ME3: variants seen among roughly 807,000 people sequenced by gnomAD.
ME3 encodes malic enzyme 3, also known as NADP-dependent malic enzyme, mitochondrial.
A neutral mutation model predicts 68.9 loss-of-function variants in ME3; 48 were observed. The ratio of observed to expected loss-of-function variants is 0.70; its 90% CI spans 0.55 to 0.89. The LOEUF (loss-of-function observed/expected upper bound fraction) is 0.89, where lower values mean the gene tolerates loss of function less well. Among genes scored for constraint, ME3 ranks in the 40% least tolerant of loss-of-function variants. ME3 has a pLI of 0.00. For missense variants in ME3, 675 were observed against 797.4 expected (o/e 0.85, Z 1.85); for synonymous variants, 320 against 318.8 (o/e 1.00, Z -0.04).
intron 2 of ME3, among the ~76,000 whole-genome samples, chr11:86,605,134 A>C (rs932216509): frequency 2.0e-5 from 3 of 152,218 alleles, no homozygotes; most frequent in Admixed American, 6.5e-5. Flanking sequence ...CTTTCACTTA[A>C]CACAATGTTT....
At chr11:86,456,289 G>A (rs1949919604) in intron 8 of ME3, among the ~76,000 whole-genome samples, 1 of 152,298 alleles carries the variant, frequency 6.6e-6, no homozygotes, top group East Asian at 1.9e-4. Context: ...ACCAGATGGC[G>A]CCAAAGGTAT....
intron 7 of ME3, among the ~76,000 whole-genome samples, chr11:86,473,680 T>G (rs1950904924): frequency 6.6e-6 from 1 of 152,114 alleles, no homozygotes; most frequent in Non-Finnish European, 1.5e-5. Context: ...GCCACAGACT[T>G]GCATGAAGAG....
intron 3 of ME3, among the ~76,000 whole-genome samples, chr11:86,558,109 G>A (rs1394249586): frequency 6.6e-6 from 1 of 152,194 alleles, no homozygotes; most frequent in Admixed American, 6.5e-5. Context: ...AGCCTGGAAT[G>A]TTTCCCCAGG....
intron 2 of ME3, among the ~76,000 whole-genome samples, chr11:86,655,001 C>T (rs1207843614): frequency 1.3e-5 from 2 of 152,116 alleles, no homozygotes; most frequent in Non-Finnish European, 2.9e-5. Flanking sequence ...TTCACAATTG[C>T]TTCAAAGAGA....
intron 4 of ME3, among the ~76,000 whole-genome samples, chr11:86,513,485 T>C (rs1333916510): frequency 6.6e-6 from 1 of 152,168 alleles, no homozygotes; most frequent in African/African-American, 2.4e-5. Context: ...AAGTCACTTG[T>C]CCAAGGTCAC....
At chr11:86,463,289 G>T (rs921615552) in intron 8 of ME3, among the ~76,000 whole-genome samples, 1 of 152,214 alleles carries the variant, frequency 6.6e-6, no homozygotes, top group African/African-American at 2.4e-5. Context: ...GGCCTTGGCA[G>T]CCCGGTGGGC....
intron 6 of ME3, among the ~76,000 whole-genome samples, chr11:86,493,640 G>A (rs927974601): frequency 7.2e-5 from 11 of 152,212 alleles, no homozygotes; most frequent in Non-Finnish European, 1.3e-4. Context: ...CTGAGCAGGC[G>A]CTCCCTTCCC....
chr11:86,546,719 G>C (rs920793417), intron 4 of ME3, among the ~76,000 whole-genome samples: 3 of 152,198 alleles, frequency 2.0e-5, no homozygotes, highest in African/African-American at 4.8e-5. Context: ...CTGTTGGTGA[G>C]AGTGTAAATT....
intron 2 of ME3, among the ~76,000 whole-genome samples, chr11:86,585,264 TGAG>T (rs1958666172): frequency 6.6e-6 from 1 of 152,140 alleles, no homozygotes; most frequent in East Asian, 1.9e-4. Context: ...TTGGCTGCAG[TGAG>T]GAGAATTTTT....
intron 4 of ME3, among the ~76,000 whole-genome samples, chr11:86,527,383 G>C (rs913695748): frequency 6.6e-6 from 1 of 152,198 alleles, no homozygotes; most frequent in Non-Finnish European, 1.5e-5. Flanking sequence ...CCAAATCTAT[G>C]TCTGACTGGT....
chr11:86,656,585 C>T (rs1945890476), intron 2 of ME3, among the ~76,000 whole-genome samples: 1 of 128,876 alleles, frequency 7.8e-6, no homozygotes, highest in East Asian at 2.3e-4. Context: ...ACATCACACA[C>T]CAAGGCCTGT....
exon 4 of ME3, chr11:86,556,604 G>A (rs963923515): frequency 6.2e-7 from 1 of 1,614,026 alleles, no homozygotes; most frequent in Non-Finnish European, 8.5e-7. Context: ...CCCCACGGTA[G>A]GCGTGTACAC....
intron 7 of ME3, among the ~76,000 whole-genome samples, chr11:86,476,793 T>C (rs1209251862): frequency 6.6e-6 from 1 of 152,120 alleles, no homozygotes. Context: ...GGATCTAAAA[T>C]GGAAATGGAT....
intron 2 of ME3, among the ~76,000 whole-genome samples, chr11:86,609,527 T>C (rs1942404059): frequency 6.6e-6 from 1 of 152,130 alleles, no homozygotes; most frequent in Admixed American, 6.6e-5. Context: ...AGGCCTGTCT[T>C]CAAGGAGCTT....
intron 8 of ME3, among the ~76,000 whole-genome samples, chr11:86,456,589 G>A (rs924004654): frequency 6.6e-6 from 1 of 152,102 alleles, no homozygotes; most frequent in Non-Finnish European, 1.5e-5. Flanking sequence ...AGCCCTTCCT[G>A]ACTATAGTTG....
At position 86,595,807 on chromosome 11, in the gene ME3, G is replaced by A. The variant is rs572080340; in HGVS notation, c.184-35984C>T. 1.2e-4 allele frequency among the ~76,000 whole-genome samples: 19 copies of A among 152,362 alleles called. No homozygotes were observed. The East Asian group carries it at 3.3e-3, about 26-fold the overall frequency. On this transcript the variant is annotated intron_variant, in intron 2 of 14. Transcript: ENST00000543262. ...GGGTGCAGTGCTCTTGAAACAAAAT[G>A]CCACAGCCAGAAGAACAGAAGCTCC... is the stretch of plus-strand genomic sequence containing the variant.
chr11:86,481,477 T>C (rs1951403950), intron 7 of ME3, among the ~76,000 whole-genome samples: 1 of 152,174 alleles, frequency 6.6e-6, no homozygotes, highest in African/African-American at 2.4e-5. Flanking sequence ...GTCTGTATTC[T>C]TGACAAGTTT....
chr11:86,599,435 G>A (rs1336038159), intron 2 of ME3, among the ~76,000 whole-genome samples: 1 of 152,210 alleles, frequency 6.6e-6, no homozygotes, highest in Non-Finnish European at 1.5e-5. Context: ...AAGCCTCCAA[G>A]AAATATGGGA....
intron 4 of ME3, among the ~76,000 whole-genome samples, chr11:86,512,499 T>C (rs1406422389): frequency 2.0e-5 from 3 of 152,164 alleles, no homozygotes; most frequent in Non-Finnish European, 4.4e-5. Context: ...AAATGGAAAA[T>C]GGATACATTA....
Sources: gnomAD v4.1 joint callset for allele counts (sites outside exome capture counted in the v4.1 genomes callset) on GRCh38, gnomAD v4.1.1 for gene constraint, MANE v1.5 for transcripts, NCBI Gene and HGNC (gene_info 2026-07-23, HGNC 2026-07-21) for gene names.